ARHGEF9: variants seen among roughly 807,000 people sequenced by gnomAD.
ARHGEF9 encodes the protein Cdc42 guanine nucleotide exchange factor 9.
Under a neutral mutation model 41.3 loss-of-function variants are expected in ARHGEF9, and 2 were observed. The observed-to-expected ratio is 0.05, with a 90% CI of 0.02 to 0.15. The LOEUF (loss-of-function observed/expected upper bound fraction) is 0.15. Among genes scored for constraint, ARHGEF9 ranks in the 10% least tolerant of loss-of-function variants. The pLI is 1.00. For synonymous variants in ARHGEF9, 160 were observed against 154.4 expected (o/e 1.04, Z -0.27); for missense variants, 225 against 424.7 (o/e 0.53, Z 4.13).
At chrX:63,764,411 C>A (rs1556450759) in intron 1 of ARHGEF9, among the ~76,000 whole-genome samples, 1 of 112,561 alleles carries the variant, frequency 8.9e-6, no homozygotes, top group East Asian at 2.8e-4. Flanking sequence ...GACACTGTGG[C>A]AATTCCTCAA....
chrX:63,685,797 C>T lies in ARHGEF9; in HGVS notation c.583-7225G>A, dbSNP rs192206090. ...TTTGTGCCATATATAAAAATTACCA[C>T]AAAAGGGATCATAGGCCTAAATGTA... On this transcript the variant is annotated intron_variant, in intron 4 of 9. Transcript: ENST00000671741. 1.4e-3 allele frequency among the ~76,000 whole-genome samples: 153 copies of T among 111,467 alleles called. 1 individual carries two copies. The highest frequency in any genetic ancestry group is 4.4e-3 in the African/African-American group (136 of 30,724).
intron 4 of ARHGEF9, among the ~76,000 whole-genome samples, chrX:63,681,648 C>T (rs185742966): frequency 5.5e-5 from 6 of 109,766 alleles, no homozygotes; most frequent in African/African-American, 2.0e-4. Context: ...CTGAAATAAA[C>T]AATCTGATAT....
intron 1 of ARHGEF9, among the ~76,000 whole-genome samples, chrX:63,744,067 T>C (rs1485109778): frequency 8.9e-6 from 1 of 111,815 alleles, no homozygotes; most frequent in African/African-American, 3.3e-5. Context: ...GACAATGGGA[T>C]TTGTTCAAGG....
rs1384182085 is a variant in ARHGEF9, at chrX:63,678,516, C to T, written c.639G>A (p.Met213Ile). 8.3e-7 allele frequency: 1 copy of T among 1,203,907 alleles called. No homozygotes were observed. The highest frequency in any genetic ancestry group is 1.1e-6 in the Non-Finnish European group (1 of 892,132). ...EYCNNHLDAC[M>I]ELSKLMKDSR... ...TGTCCTTCATCAGTTTGGAGAGCTC[C>T]ATGCAAGCATCCAGGTGGTTGTTAC... The change falls in exon 5 of 10, where the codon ATG becomes ATA. Residue 213 changes from methionine (M) to isoleucine (I), a missense_variant. Around this residue, in one of 3 missense-constraint regions of ARHGEF9, gnomAD observed 114 missense variants for 197.9 expected, o/e 0.58. Coordinates refer to ENST00000671741, the MANE Select transcript of ARHGEF9 (RefSeq NM_001353921.2).
At chrX:63,771,497 G>A (rs1342097949) in intron 1 of ARHGEF9, among the ~76,000 whole-genome samples, 3 of 111,483 alleles carry the variant, frequency 2.7e-5, no homozygotes, top group Non-Finnish European at 1.9e-5. Flanking sequence ...CGAGATTTAC[G>A]TTTAAATTGG....
At position 63,643,461 on chromosome X, in the gene ARHGEF9, C is replaced by T. The variant is rs183667036; in HGVS notation, c.1390+519G>A. Among the ~76,000 whole-genome samples the T allele has an allele frequency of 9.7e-3, 1,048 of 108,309 alleles. 50 individuals carry two copies. The highest frequency in any genetic ancestry group is 0.089 in the Admixed American group (893 of 10,044). The allele number at this position is 108,309 out of a possible 115,157, so 94.1% of individuals were successfully genotyped here. A position where few individuals can be genotyped will look rare whatever the true frequency, so the allele number is the denominator to read the frequency against. ...GCAACCTCCGCCTCCCAGGTTCAAG[C>T]GATTCTCCTGCCTCAATCTCCCCAG... is the stretch of plus-strand genomic sequence containing the variant. On this transcript the variant is annotated intron_variant, in intron 9 of 9. Transcript: ENST00000671741.
intron 8 of ARHGEF9, among the ~76,000 whole-genome samples, chrX:63,652,533 A>G (rs2048613306): frequency 9.0e-6 from 1 of 111,297 alleles, no homozygotes; most frequent in Non-Finnish European, 1.9e-5. Flanking sequence ...ATGGATTTTG[A>G]TATGCACGGG....
At chrX:63,665,536 T>C (rs782211490) in intron 7 of ARHGEF9, among the ~76,000 whole-genome samples, 1 of 113,000 alleles carries the variant, frequency 8.8e-6, no homozygotes, top group Admixed American at 9.3e-5. Flanking sequence ...GAAACTACTA[T>C]TTACCAACTA....
intron 1 of ARHGEF9, chrX:63,726,618 G>A (rs1167187767): frequency 9.0e-6 from 1 of 111,701 alleles, no homozygotes; most frequent in African/African-American, 3.3e-5. Flanking sequence ...AGGATTACAG[G>A]TGTGAGCAAC....
chrX:63,735,505 G>A (rs1556422231), intron 1 of ARHGEF9, among the ~76,000 whole-genome samples: 1 of 111,713 alleles, frequency 9.0e-6, no homozygotes, highest in Non-Finnish European at 1.9e-5. Flanking sequence ...CAGATGTCGT[G>A]TTAAAATCTT....
intron 1 of ARHGEF9, among the ~76,000 whole-genome samples, chrX:63,781,264 T>G (rs1251648773): frequency 8.9e-6 from 1 of 112,111 alleles, no homozygotes; most frequent in Middle Eastern, 4.7e-3. Context: ...ATAAGACTAT[T>G]AAAAATGATC....
chrX:63,778,981 T>C (rs1430737584), intron 1 of ARHGEF9, among the ~76,000 whole-genome samples: 1 of 112,252 alleles, frequency 8.9e-6, no homozygotes, highest in Non-Finnish European at 1.9e-5. Context: ...AAAAAGGCAC[T>C]TTATCCCCAT....
chrX:63,665,182 C>T (rs1281554470), intron 7 of ARHGEF9, among the ~76,000 whole-genome samples: 4 of 112,060 alleles, frequency 3.6e-5, no homozygotes, highest in Non-Finnish European at 7.5e-5. Context: ...AAGAGTATCC[C>T]ATAAGGAGGA....
At chrX:63,697,894 T>A (rs188762754) in intron 3 of ARHGEF9, among the ~76,000 whole-genome samples, 13 of 111,310 alleles carry the variant, frequency 1.2e-4, no homozygotes, top group Non-Finnish European at 2.3e-4. Flanking sequence ...ATACAATATT[T>A]TCTTAGACAT....
chrX:63,663,941 T>C (rs782494917), intron 7 of ARHGEF9, among the ~76,000 whole-genome samples: 2 of 112,383 alleles, frequency 1.8e-5, no homozygotes, highest in East Asian at 5.6e-4. Context: ...CCCAGGTATA[T>C]GGAGTTGGTA....
chrX:63,644,605 A>G (rs1261425448), intron 8 of ARHGEF9, among the ~76,000 whole-genome samples: 10 of 110,556 alleles, frequency 9.0e-5, no homozygotes, highest in Non-Finnish European at 1.9e-5. Flanking sequence ...GCACATCTAC[A>G]TATTGACTAG....
chrX:63,638,936 C>G (rs1432996888), intron 9 of ARHGEF9, among the ~76,000 whole-genome samples: 1 of 112,019 alleles, frequency 8.9e-6, no homozygotes, highest in Non-Finnish European at 1.9e-5. Flanking sequence ...AAAACCTTCT[C>G]AACATTTGTA....
At chrX:63,712,086 T>C (rs2147542476) in intron 2 of ARHGEF9, among the ~76,000 whole-genome samples, 1 of 111,924 alleles carries the variant, frequency 8.9e-6, no homozygotes, top group South Asian at 3.7e-4. Context: ...ACTTCACACG[T>C]CCTAGAATGG....
chrX:63,647,851 C>T (rs2048225030), intron 8 of ARHGEF9, among the ~76,000 whole-genome samples: 1 of 110,874 alleles, frequency 9.0e-6, no homozygotes, highest in Non-Finnish European at 1.9e-5. Context: ...GCTGTGAATC[C>T]GTCTGGTCCT....
Sources: gnomAD v4.1 joint callset for allele counts (sites outside exome capture counted in the v4.1 genomes callset) on GRCh38, gnomAD v4.1.1 for gene constraint, gnomAD v4.1.1 regional missense constraint, MANE v1.5 for transcripts, NCBI Gene and HGNC (gene_info 2026-07-23, HGNC 2026-07-21) for gene names.